MINK1: variants seen among roughly 807,000 people sequenced by gnomAD.
MINK1 encodes misshapen like kinase 1, also known as misshapen-like kinase 1.
MINK1 carries 46 observed loss-of-function variants against 178.4 expected under a neutral mutation model. The ratio of observed to expected loss-of-function variants is 0.26; its 90% CI spans 0.20 to 0.33. The LOEUF is 0.33. MINK1 is among the 10% of genes least tolerant of loss of function. The pLI is 1.00. For synonymous variants in MINK1, 797 were observed against 709.7 expected (o/e 1.12, Z -1.96); for missense variants, 1,366 against 1,814.9 (o/e 0.75, Z 4.49).
intron 12 of MINK1, among the ~76,000 whole-genome samples, chr17:4,889,072 T>G (rs1315157678): frequency 6.6e-6 from 1 of 152,158 alleles, no homozygotes; most frequent in Non-Finnish European, 1.5e-5. Flanking sequence ...TAGGCACAAG[T>G]TCCCTCAAGT....
At chr17:4,853,607 T>C (rs1276297610) in intron 1 of MINK1, among the ~76,000 whole-genome samples, 1 of 152,032 alleles carries the variant, frequency 6.6e-6, no homozygotes, top group Non-Finnish European at 1.5e-5. Context: ...TAGTCATTCC[T>C]GCCAAGCTTC....
In MINK1 at chr17:4,893,539, G is replaced by A. The variant is rs1158259437; in HGVS notation, c.2506G>A (p.Asp836Asn). 7 of 1,594,726 alleles carry A rather than the reference G, an allele frequency of 4.4e-6. No homozygotes were observed. Among genetic ancestry groups the A allele is most frequent in the Middle Eastern group, 1.7e-4 (1 of 5,986 alleles). ...SSEEVESSED[D>N]EEEGEGGPAE... ...CGAGGAGGTGGAAAGCAGTGAGGAC[G>A]ACGAGGAGGAAGGCGAAGGCGGGCC... The change falls in exon 21 of 32, where the codon GAC becomes AAC. Residue 836 changes from aspartate to asparagine, a missense_variant. Physicochemically the swap from Asp to Asn is conservative, Grantham distance 23. Coordinates refer to ENST00000355280, the MANE Select transcript of MINK1 (RefSeq NM_153827.5).
At position 4,887,675 on chromosome 17, in the gene MINK1, A is replaced by AGCAGCAGCT. The variant is rs758844142; in HGVS notation, c.1124_1132dup (p.Leu375_Gln377dup). The AGCAGCAGCT allele has an allele frequency of 5.2e-5, 81 of 1,565,388 alleles. No homozygotes were observed. The highest frequency in any genetic ancestry group is 7.2e-5 in the East Asian group (3 of 41,914). On this transcript the variant is annotated inframe_insertion, in exon 12 of 32. Transcript: ENST00000355280. The surrounding 1 kb of genome is among the most constrained non-coding windows in gnomAD (Gnocchi z 7.6). The stretch of plus-strand genomic sequence containing the variant: ...AGCAACTCAGAGGCTTTAAAACAGC[A>AGCAGCAGCT]GCAGCAGCTGCAGCAGCAGCAGCAG...
rs759401496 is a variant in MINK1 at position 4,892,729 on chromosome 17, C to A, written c.2272C>A (p.Leu758Ile). The A allele has an allele frequency of 6.2e-7, 1 of 1,611,816 alleles. No individual in the cohort carries two copies. Among genetic ancestry groups the A allele is most frequent in the African/African-American group, 1.3e-5 (1 of 74,928 alleles). Residue 758 changes from leucine to isoleucine, a missense_variant, in exon 19 of 32, where the codon CTC (leucine) becomes ATC (isoleucine). Coordinates refer to ENST00000355280, the MANE Select transcript of MINK1 (RefSeq NM_153827.5). Reference sequence around the variant, plus strand: ...CGTCCTTCCAGCCTCTCACGGGCACCTCCCCCAGGCTGGCTCACTGGAGCG... The same window carrying A: ...CGTCCTTCCAGCCTCTCACGGGCACATCCCCCAGGCTGGCTCACTGGAGCG... Reference protein sequence around the residue: ...DSVLPASHGHLPQAGSLERNR... With the variant: ...DSVLPASHGHIPQAGSLERNR...
chr17:4,877,888 G>A (rs970879041), intron 1 of MINK1, among the ~76,000 whole-genome samples: 1 of 145,962 alleles, frequency 6.9e-6, no homozygotes, highest in Non-Finnish European at 1.5e-5. Context: ...TCAGCTCACT[G>A]CAAGCTCTGC....
chr17:4,882,540 A>C lies in MINK1; in HGVS notation c.306+1283A>C, dbSNP rs145650005. On this transcript the variant is annotated intron_variant, in intron 4 of 31. Transcript: ENST00000355280. The stretch of plus-strand genomic sequence containing the variant: ...CAATCTTTATGTCTCTAGCAGACCT[A>C]GAGAATCACTATTTCTTAGCCCCCT... Among the ~76,000 whole-genome samples the C allele has an allele frequency of 6.7e-3, 1,021 of 152,310 alleles. 15 individuals carry two copies. The highest frequency in any genetic ancestry group is 0.023 in the African/African-American group (939 of 41,568).
chr17:4,882,736 C>T (rs1361587003), intron 4 of MINK1, among the ~76,000 whole-genome samples: 6 of 152,184 alleles, frequency 3.9e-5, no homozygotes, highest in African/African-American at 7.2e-5. Context: ...AACCCCAGCA[C>T]CCTCACTGCG....
In MINK1 at chr17:4,893,076, C is replaced by A; in HGVS notation, c.2400+9C>A. ...GGCCAGGCCGGCCCGCAGTGAGTCA[C>A]CTGGTGGCAGGCATGGCCTGCCTCA... On this transcript the variant is annotated intron_variant, in intron 20 of 31. Coordinates refer to ENST00000355280, the MANE Select transcript of MINK1 (RefSeq NM_153827.5). 1 of 1,556,276 alleles carries A rather than the reference C, an allele frequency of 6.4e-7. No homozygotes were observed. Among genetic ancestry groups the A allele is most frequent in the South Asian group, 1.2e-5 (1 of 84,552 alleles).
At chr17:4,883,689 G>A (rs906072406) in intron 4 of MINK1, among the ~76,000 whole-genome samples, 5 of 144,178 alleles carry the variant, frequency 3.5e-5, no homozygotes, top group Non-Finnish European at 6.0e-5. Flanking sequence ...CCGCCACCAC[G>A]CCCGGCTACT....
chr17:4,834,736 C>T, intron 1 of MINK1: 1 of 519,896 alleles, frequency 1.9e-6, no homozygotes, highest in African/African-American at 1.9e-5. Flanking sequence ...CCAGCGCTCT[C>T]ACCAGGCCAA....
At chr17:4,897,063 G>A in intron 31 of MINK1, 141 bp from the exon 32 acceptor site, 1 of 877,360 alleles carries the variant, frequency 1.1e-6, no homozygotes, top group South Asian at 1.7e-5. Context: ...TCCTCCGGGT[G>A]AGGGGCACTG....
chr17:4,887,530 G>C lies in MINK1; in HGVS notation c.1020-50G>C. ...GGCGGGCCCACGGGGTTGAGAGTGG[G>C]AACCAACAGGGTTCTGACCCCAGTG... On this transcript the variant is annotated intron_variant, in intron 11 of 31. Transcript: ENST00000355280. The surrounding 1 kb of genome is among the most constrained non-coding windows in gnomAD (Gnocchi z 7.6). 1 of 1,443,608 alleles carries C rather than the reference G, an allele frequency of 6.9e-7. No homozygotes were observed. The highest frequency in any genetic ancestry group is 1.5e-5 in the South Asian group (1 of 67,662). 89.4% of individuals were successfully genotyped at this position (1,443,608 alleles called of 1,614,324 possible).
intron 1 of MINK1, among the ~76,000 whole-genome samples, chr17:4,843,337 G>T (rs1311122814): frequency 6.6e-6 from 1 of 152,054 alleles, no homozygotes; most frequent in Non-Finnish European, 1.5e-5. Flanking sequence ...AATTAGCCAG[G>T]CATGGTGGGA....
chr17:4,887,495 C>T lies in MINK1; in HGVS notation c.1020-85C>T, dbSNP rs1968325142. ...GGCAGAGGCTTTGATCCAGTTAAAG[C>T]ACCCACTCAGGCGGGCCCACGGGGT... is the stretch of plus-strand genomic sequence containing the variant. On this transcript the variant is annotated intron_variant, in intron 11 of 31. Coordinates refer to ENST00000355280, the MANE Select transcript of MINK1 (RefSeq NM_153827.5). The surrounding 1 kb of genome is among the most constrained non-coding windows in gnomAD (Gnocchi z 7.6). The T allele has an allele frequency of 7.9e-7, 1 of 1,266,214 alleles. No homozygotes were observed. The highest frequency in any genetic ancestry group is 1.1e-6 in the Non-Finnish European group (1 of 934,094). The allele number at this position is 1,266,214 out of a possible 1,614,324, so 78.4% of individuals were successfully genotyped here.
In MINK1 at chr17:4,871,373, G is replaced by A. The variant is rs188287129; in HGVS notation, c.58-6944G>A. On this transcript the variant is annotated intron_variant, in intron 1 of 31. Coordinates refer to ENST00000355280, the MANE Select transcript of MINK1 (RefSeq NM_153827.5). The stretch of plus-strand genomic sequence containing the variant: ...GCCTCACTAATTTTTTAAATTTTTT[G>A]TAGAGATGTGGTCTTATTATCTTGC... Among the ~76,000 whole-genome samples the A allele has an allele frequency of 1.7e-4, 25 of 151,484 alleles. 1 individual carries two copies. The highest frequency in any genetic ancestry group is 3.4e-3 in the Middle Eastern group (1 of 294).
At position 4,891,185 on chromosome 17, in the gene MINK1, TACAC is replaced by T. The variant is rs531380817; in HGVS notation, c.1740+68_1740+71del. The T allele has an allele frequency of 5.6e-5, 68 of 1,208,076 alleles. No homozygotes were observed. In the Admixed American group the frequency reaches 8.1e-4, roughly 14 times the overall value. 74.8% of individuals were successfully genotyped at this position (1,208,076 alleles called of 1,614,324 possible). A position where few individuals can be genotyped will look rare whatever the true frequency, so the allele number is the denominator to read the frequency against. On this transcript the variant is annotated intron_variant, in intron 15 of 31. Coordinates refer to ENST00000355280, the MANE Select transcript of MINK1 (RefSeq NM_153827.5). ...CAGGGAGCTTTGTTCAGAGCACAGG[TACAC>T]ACACACGCGCGCACACACACACACA...
chr17:4,858,455 T>G lies in MINK1; in HGVS notation c.58-19862T>G, dbSNP rs566230228. 3.3e-5 allele frequency among the ~76,000 whole-genome samples: 5 copies of G among 151,634 alleles called. No homozygotes were observed. The South Asian group carries it at 1.0e-3, about 31-fold the overall frequency. On this transcript the variant is annotated intron_variant, in intron 1 of 31. Transcript: ENST00000355280. ...CTGCCAGCTCTTGTTGGTTCCCTGTTTATTTTTTTTTAATTTAAATTTAAT... is the reference window on the plus strand; with the variant it reads ...CTGCCAGCTCTTGTTGGTTCCCTGTGTATTTTTTTTTAATTTAAATTTAAT...
intron 1 of MINK1, among the ~76,000 whole-genome samples, chr17:4,854,036 C>G (rs1169669949): frequency 6.6e-6 from 1 of 152,068 alleles, no homozygotes. Context: ...CAGAAGCAAA[C>G]GGTTTATTTT....
chr17:4,849,874 G>A (rs1911659797), intron 1 of MINK1, among the ~76,000 whole-genome samples: 2 of 152,118 alleles, frequency 1.3e-5, no homozygotes, highest in Admixed American at 1.3e-4. Flanking sequence ...CGCCCGGCTG[G>A]TCTCAGCTTA....
Sources: allele counts gnomAD v4.1 joint callset (sites outside exome capture counted in the v4.1 genomes callset), GRCh38; gene constraint gnomAD v4.1.1; non-coding constraint Gnocchi (gnomAD v3.1); transcripts MANE v1.5; gene names NCBI Gene and HGNC (gene_info 2026-07-23, HGNC 2026-07-21).